LRRC37A2: variants seen among roughly 807,000 people sequenced by gnomAD.
LRRC37A2 encodes the protein leucine rich repeat containing 37 member A2.
LRRC37A2 carries 9 observed loss-of-function variants against 68.8 expected under a neutral mutation model. The observed-to-expected ratio is 0.13, with a 90% confidence interval of 0.08 to 0.23. LRRC37A2 has a LOEUF of 0.23. Ranked by LOEUF, LRRC37A2 falls within the 10% of genes least tolerant of loss-of-function variation. The pLI, the probability that LRRC37A2 is intolerant of heterozygous loss-of-function variation, is 1.00. For missense variants in LRRC37A2, 168 were observed against 950.4 expected, an observed-to-expected ratio of 0.18 and a Z score of 10.82; for synonymous variants, 63 against 367.6, an observed-to-expected ratio of 0.17 and a Z score of 9.48.
At chr17:46,610,132 T>C in the LRRC37A2 span, among the ~76,000 whole-genome samples, 559 of 117,230 alleles carry the variant, frequency 4.8e-3, 18 homozygotes, top group African/African-American at 0.017. Context: ...TCTCTTCCTT[T>C]CTTCCTTTCT....
chr17:46,861,336 C>T, the LRRC37A2 span, among the ~76,000 whole-genome samples: 1 of 152,188 alleles, frequency 6.6e-6, no homozygotes, highest in Non-Finnish European at 1.5e-5. Flanking sequence ...CCCACAGTCT[C>T]TAGCAGTGCT....
the LRRC37A2 span, among the ~76,000 whole-genome samples, chr17:46,686,103 TCA>T: frequency 1.7e-5 from 1 of 58,082 alleles, no homozygotes; most frequent in African/African-American, 7.4e-5. Context: ...ATGTAAAATT[TCA>T]CAGTTTTTCA....
chr17:46,846,343 T>A, the LRRC37A2 span, among the ~76,000 whole-genome samples: 1 of 152,228 alleles, frequency 6.6e-6, no homozygotes, highest in Non-Finnish European at 1.5e-5. Context: ...TAACAATGTT[T>A]TTACTGTGGG....
At chr17:46,840,084 CTTCT>C in the LRRC37A2 span, among the ~76,000 whole-genome samples, 2 of 119,406 alleles carry the variant, frequency 1.7e-5, no homozygotes, top group Non-Finnish European at 3.6e-5. Context: ...TCCTTCATTC[CTTCT>C]TTCTTTCTTT....
the LRRC37A2 span, among the ~76,000 whole-genome samples, chr17:46,907,294 C>T: frequency 4.7e-4 from 72 of 152,290 alleles, no homozygotes; most frequent in Non-Finnish European, 2.4e-4. Context: ...ATTCCCCAGG[C>T]GGGGCTTCCT....
At chr17:46,715,282 A>G in the LRRC37A2 span, among the ~76,000 whole-genome samples, 1 of 152,330 alleles carries the variant, frequency 6.6e-6, no homozygotes, top group Non-Finnish European at 1.5e-5. Context: ...TTCCCAGGAA[A>G]ATCTGAATAG....
At chr17:46,863,402 A>T in the LRRC37A2 span, among the ~76,000 whole-genome samples, 1 of 152,102 alleles carries the variant, frequency 6.6e-6, no homozygotes, top group Non-Finnish European at 1.5e-5. Context: ...AATGGATCTC[A>T]GGGTATGAAA....
chr17:46,875,178 G>A, the LRRC37A2 span: 1 of 1,614,082 alleles, frequency 6.2e-7, no homozygotes, highest in South Asian at 1.1e-5. Flanking sequence ...CTGCAGCGCT[G>A]GGCGCATGGA....
the LRRC37A2 span, chr17:46,773,630 AC>A: frequency 6.7e-6 from 1 of 149,018 alleles, no homozygotes; most frequent in South Asian, 7.6e-5. Context: ...CCCTCCCCCC[AC>A]CCAGCCCCTC....
chr17:46,939,385 C>T, the LRRC37A2 span: 1 of 998,658 alleles, frequency 1.0e-6, no homozygotes, highest in Non-Finnish European at 1.2e-6. Context: ...ATTTTCCACA[C>T]TACAGCTGGG....
the LRRC37A2 span, among the ~76,000 whole-genome samples, chr17:46,965,916 C>T: frequency 6.6e-6 from 1 of 151,890 alleles, no homozygotes; most frequent in African/African-American, 2.4e-5. Context: ...CAGACGTGAG[C>T]CACTGTGCCT....
At chr17:46,866,717 C>T in the LRRC37A2 span, among the ~76,000 whole-genome samples, 86 of 152,066 alleles carry the variant, frequency 5.7e-4, no homozygotes, top group African/African-American at 2.0e-3. Flanking sequence ...TACTCCTGGA[C>T]CCTCCAGCTA....
chr17:46,996,778 T>C, the LRRC37A2 span, among the ~76,000 whole-genome samples: 1 of 152,230 alleles, frequency 6.6e-6, no homozygotes, highest in African/African-American at 2.4e-5. Flanking sequence ...CCCAAAGCGC[T>C]GGGATGACAG....
chr17:46,478,560 CAGT>C, the LRRC37A2 span, among the ~76,000 whole-genome samples: 1 of 106,104 alleles, frequency 9.4e-6, no homozygotes, highest in Non-Finnish European at 2.2e-5. Flanking sequence ...CTTTGGTTCA[CAGT>C]AGATTTATTC....
At chr17:47,001,008 C>T in the LRRC37A2 span, among the ~76,000 whole-genome samples, 1 of 152,076 alleles carries the variant, frequency 6.6e-6, no homozygotes, top group South Asian at 2.1e-4. Flanking sequence ...GGGTGGTGGG[C>T]ACCTGTCATC....
the LRRC37A2 span, among the ~76,000 whole-genome samples, chr17:46,738,440 A>C: frequency 1.3e-5 from 2 of 152,192 alleles, no homozygotes; most frequent in African/African-American, 4.8e-5. Context: ...AAGAGGAAAA[A>C]AATTGCTACA....
the LRRC37A2 span, among the ~76,000 whole-genome samples, chr17:46,953,189 C>A: frequency 6.6e-6 from 1 of 151,610 alleles, no homozygotes; most frequent in Non-Finnish European, 1.5e-5. Context: ...TAATGCTATC[C>A]CTCCCCACTC....
chr17:46,857,172 C>T, the LRRC37A2 span, among the ~76,000 whole-genome samples: 67,105 of 151,984 alleles, frequency 0.44, 18,228 homozygotes, highest in East Asian at 0.88. Flanking sequence ...ACTTGATAGA[C>T]ATTTGGGTTA....
the LRRC37A2 span, chr17:46,728,815 G>A: frequency 5.3e-6 from 7 of 1,321,992 alleles, no homozygotes; most frequent in Non-Finnish European, 2.1e-6. Context: ...ATATGTACAT[G>A]TGTATCAAAT....
Sources: allele counts gnomAD v4.1 joint callset (sites outside exome capture counted in the v4.1 genomes callset), GRCh38; gene constraint gnomAD v4.1.1; transcripts MANE v1.5; gene names NCBI Gene and HGNC (gene_info 2026-07-23, HGNC 2026-07-21).